PPFIBP1: variants seen among roughly 807,000 people sequenced by gnomAD.
PPFIBP1 encodes the protein liprin-beta-1.
Under a neutral mutation model 137.8 loss-of-function variants are expected in PPFIBP1, and 112 were observed. The ratio of observed to expected loss-of-function variants is 0.81; its 90% CI spans 0.70 to 0.95. The LOEUF (loss-of-function observed/expected upper bound fraction) is 0.95, where lower values mean the gene tolerates loss of function less well. Among genes scored for constraint, PPFIBP1 ranks in the 40% least tolerant of loss-of-function variants. The pLI, the probability that PPFIBP1 is intolerant of heterozygous loss-of-function variation, is 0.00. For missense variants in PPFIBP1, 1,083 were observed against 1,196.6 expected (o/e 0.91, Z 1.40); for synonymous variants, 378 against 417.3 (o/e 0.91, Z 1.15).
In PPFIBP1 at chr12:27,674,032, G is replaced by A. The variant is rs144397187; in HGVS notation, c.1381-160G>A. ...AAAATAGTATGTAAAACCAAAAATG[G>A]AGACTTTAATAAAACATTTTGGAAA... On this transcript the variant is annotated intron_variant, in intron 16 of 29. Transcript: ENST00000228425. Among the ~76,000 whole-genome samples the A allele has an allele frequency of 3.6e-3, 541 of 152,238 alleles. 2 individuals are homozygous for A. Among genetic ancestry groups the A allele is most frequent in the African/African-American group, 0.012 (513 of 41,554 alleles).
intron 15 of PPFIBP1, among the ~76,000 whole-genome samples, 183 bp from the exon 16 acceptor site, chr12:27,673,584 C>T (rs1207480791): frequency 6.6e-6 from 1 of 152,186 alleles, no homozygotes; most frequent in African/African-American, 2.4e-5. Flanking sequence ...TTAATCACCC[C>T]TGCTTTTAAA....
At position 27,693,190 on chromosome 12, in the gene PPFIBP1, T is replaced by G; in HGVS notation, c.*308T>G. The G allele has an allele frequency of 5.1e-4, 111 of 218,764 alleles. No homozygotes were observed. The highest frequency in any genetic ancestry group is 3.5e-3 in the Middle Eastern group (2 of 576). 13.6% of individuals were successfully genotyped at this position (218,764 alleles called of 1,614,324 possible). A position where few individuals can be genotyped will look rare whatever the true frequency, so the allele number is the denominator to read the frequency against. ...AGAGTGTTTCCATTCATATCCGCGG[T>G]ATGGAGGATTTGAGGAACAGTAACC... On this transcript the variant is annotated 3_prime_UTR_variant, in exon 30 of 30. Coordinates refer to ENST00000228425, the MANE Select transcript of PPFIBP1 (RefSeq NM_003622.4).
intron 5 of PPFIBP1, among the ~76,000 whole-genome samples, chr12:27,646,917 A>G (rs2058541133): frequency 1.3e-5 from 2 of 152,348 alleles, no homozygotes; most frequent in Admixed American, 6.5e-5. Context: ...ACCTTTGGGT[A>G]TATTGAGTTG....
intron 1 of PPFIBP1, among the ~76,000 whole-genome samples, chr12:27,528,957 T>G (rs1674879903): frequency 6.6e-6 from 1 of 152,202 alleles, no homozygotes; most frequent in Non-Finnish European, 1.5e-5. Context: ...GGACTCACAT[T>G]TTGACTGGCC....
At chr12:27,566,937 T>G (rs1214597626) in intron 1 of PPFIBP1, among the ~76,000 whole-genome samples, 1 of 152,194 alleles carries the variant, frequency 6.6e-6, no homozygotes. Context: ...AAATACTACT[T>G]TATAATAAGT....
At chr12:27,594,567 C>T (rs139083904) in intron 2 of PPFIBP1, among the ~76,000 whole-genome samples, 2,537 of 152,238 alleles carry the variant, frequency 0.017, 201 homozygotes, top group Admixed American at 0.14. Context: ...AAGAGGCAGC[C>T]CTCTGCCTTT....
chr12:27,553,571 G>C lies in PPFIBP1; in HGVS notation c.-123-24581G>C, dbSNP rs980438257. ...GAGTAATTGGTTTCTTATGAATGAT[G>C]ACCTATGAATTAAATAGGAAGCAAT... On this transcript the variant is annotated intron_variant, in intron 1 of 29. Coordinates refer to ENST00000228425, the MANE Select transcript of PPFIBP1 (RefSeq NM_003622.4). 9.2e-5 allele frequency among the ~76,000 whole-genome samples: 14 copies of C among 152,160 alleles called. 1 individual carries two copies. The highest frequency in any genetic ancestry group is 7.7e-4 in the East Asian group (4 of 5,202).
chr12:27,654,310 A>C (rs1047715697), intron 7 of PPFIBP1: 2 of 152,778 alleles, frequency 1.3e-5, no homozygotes, highest in African/African-American at 4.8e-5. Context: ...AGAAGGTTCA[A>C]AAGGTAAATG....
intron 2 of PPFIBP1, among the ~76,000 whole-genome samples, chr12:27,627,792 C>T (rs1592962469): frequency 6.6e-6 from 1 of 151,836 alleles, no homozygotes; most frequent in East Asian, 1.9e-4. Flanking sequence ...GAAATATACC[C>T]TGAACATATT....
At chr12:27,538,452 A>T (rs1945291631) in intron 1 of PPFIBP1, among the ~76,000 whole-genome samples, 2 of 152,362 alleles carry the variant, frequency 1.3e-5, no homozygotes, top group Non-Finnish European at 1.5e-5. Context: ...TACTTGCAGT[A>T]TCTCAGTTAA....
intron 2 of PPFIBP1, among the ~76,000 whole-genome samples, chr12:27,624,213 AGAAACTACCAAAT>A (rs1300371664): frequency 6.6e-6 from 1 of 152,204 alleles, no homozygotes; most frequent in Non-Finnish European, 1.5e-5. Flanking sequence ...GGTTTGGATT[AGAAACTACCAAAT>A]GAGTGAGAGG....
rs752314395 is a variant in PPFIBP1 at position 27,644,146 on chromosome 12, G to T, written c.271-1916G>T. ...GCCTGGAGTGCAGTGGCGCAAACAT[G>T]GCTGACTGTAGCCTCCACCTCCTGG... is the stretch of plus-strand genomic sequence containing the variant. On this transcript the variant is annotated intron_variant, in intron 4 of 29. Coordinates refer to ENST00000228425, the MANE Select transcript of PPFIBP1 (RefSeq NM_003622.4). 6.6e-5 allele frequency among the ~76,000 whole-genome samples: 10 copies of T among 151,904 alleles called. No individual in the cohort carries two copies. In the South Asian group the frequency reaches 1.7e-3, roughly 25 times the overall value.
At chr12:27,680,432 C>A (rs887141666) in intron 21 of PPFIBP1, among the ~76,000 whole-genome samples, 5 of 152,166 alleles carry the variant, frequency 3.3e-5, no homozygotes, top group African/African-American at 1.2e-4. Flanking sequence ...TGCTTTCTGG[C>A]CTTACCACTT....
intron 1 of PPFIBP1, chr12:27,538,040 T>C (rs1945243727): frequency 1.3e-5 from 2 of 152,250 alleles, no homozygotes. Flanking sequence ...CTGGCTATTA[T>C]TACCACTGTA....
chr12:27,541,613 T>C (rs1230375698), intron 1 of PPFIBP1, among the ~76,000 whole-genome samples: 2 of 152,206 alleles, frequency 1.3e-5, no homozygotes, highest in African/African-American at 2.4e-5. Flanking sequence ...GGAGGACTCA[T>C]AGGAGCCCAC....
intron 2 of PPFIBP1, chr12:27,599,398 A>C (rs2053705621): frequency 2.2e-6 from 1 of 452,910 alleles, no homozygotes; most frequent in East Asian, 7.0e-5. Flanking sequence ...CTTCAGACTC[A>C]GACTGGAGCT....
rs2061367454 is a variant in PPFIBP1 at position 27,689,101 on chromosome 12, C to T, written c.2583C>T (p.Ala861=). 3 of 1,611,738 alleles carry T rather than the reference C, an allele frequency of 1.9e-6. No individual in the cohort carries two copies. The highest frequency in any genetic ancestry group is 2.5e-6 in the Non-Finnish European group (3 of 1,179,526). ...PNKTLLRRHL[A]THFNLLIGAE... ...AGACTTTGCTGCGAAGACATTTGGC[C>T]ACTCATTTCAACCTTCTGATTGGGG... Residue 861 remains alanine (A), a synonymous_variant, in exon 27 of 30, where the codon GCC becomes GCT. Coordinates refer to ENST00000228425, the MANE Select transcript of PPFIBP1 (RefSeq NM_003622.4).
rs780389987 is a variant in PPFIBP1, at chr12:27,688,997, T to G, written c.2497-18T>G. 3 of 1,590,848 alleles carry G rather than the reference T, an allele frequency of 1.9e-6. No homozygotes were observed. Among genetic ancestry groups the G allele is most frequent in the Non-Finnish European group, 1.7e-6 (2 of 1,174,140 alleles). Reference sequence around the variant, plus strand: ...TTGTGGTGACTTTTGACAAGCTTTTTTTTTTTTCTTTAAACAGGTTCTAGA... The same window carrying G: ...TTGTGGTGACTTTTGACAAGCTTTTGTTTTTTTCTTTAAACAGGTTCTAGA... On this transcript the variant is annotated intron_variant, in intron 26 of 29. Coordinates refer to ENST00000228425, the MANE Select transcript of PPFIBP1 (RefSeq NM_003622.4).
At chr12:27,619,729 G>A (rs1174208500) in intron 2 of PPFIBP1, among the ~76,000 whole-genome samples, 2 of 152,126 alleles carry the variant, frequency 1.3e-5, no homozygotes, top group Non-Finnish European at 1.5e-5. Context: ...CAATAGAAAC[G>A]TTGCTGTCTT....
Sources: gnomAD v4.1 joint callset for allele counts (sites outside exome capture counted in the v4.1 genomes callset) on GRCh38, gnomAD v4.1.1 for gene constraint, MANE v1.5 for transcripts, NCBI Gene and HGNC (gene_info 2026-07-23, HGNC 2026-07-21) for gene names.